ARHGEF33: variants seen among roughly 807,000 people sequenced by gnomAD.
ARHGEF33 encodes DH and coiled-coil domain-containing protein ENSP00000381780.
Under a neutral mutation model 101.9 loss-of-function variants are expected in ARHGEF33, and 72 were observed. The ratio of observed to expected loss-of-function variants is 0.71; its 90% CI spans 0.58 to 0.86. ARHGEF33 has a LOEUF of 0.86. Among genes scored for constraint, ARHGEF33 ranks in the 40% least tolerant of loss-of-function variants. ARHGEF33 has a pLI of 0.00. For synonymous variants in ARHGEF33, 499 were observed against 442.5 expected (o/e 1.13, Z -1.60); for missense variants, 1,169 against 1,111.3 (o/e 1.05, Z -0.74).
intron 17 of ARHGEF33, among the ~76,000 whole-genome samples, chr2:38,972,123 C>G (rs1242632651): frequency 6.6e-6 from 1 of 152,150 alleles, no homozygotes; most frequent in Non-Finnish European, 1.5e-5. Context: ...AATTCAAATC[C>G]TGCCCCTGAC....
chr2:38,937,363 A>C lies in ARHGEF33; in HGVS notation c.594A>C (p.Glu198Asp), dbSNP rs1340209887. Residue 198 changes from glutamate to aspartate, a missense_variant, in exon 9 of 18, where the codon GAA (glutamate) becomes GAC (aspartate). Coordinates refer to ENST00000409978, the MANE Select transcript of ARHGEF33 (RefSeq NM_001145451.5). ...PGVNPTTPEAEENLKSCLSAD... is the reference protein window; with the variant it reads ...PGVNPTTPEADENLKSCLSAD... The stretch of plus-strand genomic sequence containing the variant: ...TGAACCCAACAACTCCAGAAGCAGA[A>C]GAAAACCTCAAGTCTTGCCTCTCGG... 7.7e-7 allele frequency: 1 copy of C among 1,304,006 alleles called. No homozygotes were observed. The highest frequency in any genetic ancestry group is 1.0e-6 in the Non-Finnish European group (1 of 991,168). 80.8% of individuals were successfully genotyped at this position (1,304,006 alleles called of 1,614,324 possible).
intron 17 of ARHGEF33, chr2:38,972,961 C>T (rs944557058): frequency 2.0e-5 from 3 of 152,148 alleles, no homozygotes; most frequent in Admixed American, 2.0e-4. Flanking sequence ...GCCAAAGGGC[C>T]CCAGTCTAGC....
intron 7 of ARHGEF33, among the ~76,000 whole-genome samples, chr2:38,932,117 T>C (rs187783827): frequency 1.3e-4 from 20 of 152,342 alleles, no homozygotes; most frequent in African/African-American, 3.6e-4. Flanking sequence ...GCCTTTTTAA[T>C]ATTTTTTATT....
intron 12 of ARHGEF33, among the ~76,000 whole-genome samples, 161 bp downstream of exon 12, chr2:38,953,406 T>C (rs573136954): frequency 1.3e-5 from 2 of 152,236 alleles, no homozygotes; most frequent in Non-Finnish European, 2.9e-5. Flanking sequence ...AGGAACTCAC[T>C]TGAGGATCAG....
At chr2:38,924,801 C>T (rs1316043788) in intron 4 of ARHGEF33, among the ~76,000 whole-genome samples, 1 of 152,144 alleles carries the variant, frequency 6.6e-6, no homozygotes, top group East Asian at 1.9e-4. Context: ...GTAGCTTCCC[C>T]TTTGGGTCAT....
At position 38,928,928 on chromosome 2, in the gene ARHGEF33, C is replaced by G; in HGVS notation, c.97C>G (p.Leu33Val). 1 of 1,550,036 alleles carries G rather than the reference C, an allele frequency of 6.5e-7. No individual in the cohort carries two copies. Residue 33 changes from leucine (L) to valine (V), a missense_variant, in exon 5 of 18, where the codon CTC (leucine) becomes GTC (valine). Transcript: ENST00000409978. ...IYQLQALASE[L>V]KTGFTEAMQE... ...TTAGTTGCAGGCCCTAGCCTCCGAACTCAAAACTGGTTTCACAGAAGCAAT... is the reference window on the plus strand; with the variant it reads ...TTAGTTGCAGGCCCTAGCCTCCGAAGTCAAAACTGGTTTCACAGAAGCAAT...
intron 2 of ARHGEF33, among the ~76,000 whole-genome samples, chr2:38,900,992 A>G (rs1437609189): frequency 6.6e-6 from 1 of 152,098 alleles, no homozygotes; most frequent in East Asian, 1.9e-4. Flanking sequence ...TGAAAATCCC[A>G]CAAGAAAACC....
rs761556325 is a variant in ARHGEF33, at chr2:38,889,997, G to A, written c.-159+11G>A. 31 of 464,780 alleles carry A rather than the reference G, an allele frequency of 6.7e-5. No individual in the cohort carries two copies. The highest frequency in any genetic ancestry group is 4.7e-5 in the South Asian group (3 of 63,228). The allele number at this position is 464,780 out of a possible 1,614,324, so 28.8% of individuals were successfully genotyped here. On this transcript the variant is annotated intron_variant, in intron 1 of 17. Coordinates refer to ENST00000409978, the MANE Select transcript of ARHGEF33 (RefSeq NM_001145451.5). The stretch of plus-strand genomic sequence containing the variant: ...CGCAGGCAACATGGGGTAAGTATGC[G>A]CTTTTATATGCTTTAAGGGGCACTG...
intron 2 of ARHGEF33, among the ~76,000 whole-genome samples, chr2:38,917,008 C>T (rs1666648134): frequency 6.6e-6 from 1 of 151,786 alleles, no homozygotes; most frequent in South Asian, 2.1e-4. Context: ...CCATGTTGGC[C>T]AGGCTGGTCT....
At chr2:38,912,134 C>T (rs542756095) in intron 2 of ARHGEF33, among the ~76,000 whole-genome samples, 4 of 152,314 alleles carry the variant, frequency 2.6e-5, no homozygotes, top group Admixed American at 2.6e-4. Flanking sequence ...TCCCCAGTGT[C>T]CGCCAAGGCC....
intron 9 of ARHGEF33, among the ~76,000 whole-genome samples, chr2:38,937,861 G>T (rs938804693): frequency 1.1e-4 from 16 of 152,070 alleles, no homozygotes; most frequent in Admixed American, 9.2e-4. Flanking sequence ...CAGTGATGTG[G>T]TATCTTCTAG....
chr2:38,898,510 G>A (rs2124978343), intron 2 of ARHGEF33, among the ~76,000 whole-genome samples: 1 of 152,244 alleles, frequency 6.6e-6, no homozygotes, highest in South Asian at 2.1e-4. Context: ...ACAACTAGCA[G>A]GAAAGAGAAA....
rs1280112334 is a variant in ARHGEF33, at chr2:38,973,799, C to G, written c.2569C>G (p.Arg857Gly). Residue 857 changes from arginine to glycine, a missense_variant, in exon 18 of 18, where the codon CGA becomes GGA. Physicochemically the swap from Arg to Gly is moderately radical, Grantham distance 125. Transcript: ENST00000409978. Reference protein sequence around the residue: ...SPTKQDFFRNRLALANDLDQG... With the variant: ...SPTKQDFFRNGLALANDLDQG... Reference sequence around the variant, plus strand: ...CACCAAACAAGATTTCTTCAGAAACCGACTTGCTCTTGCAAATGACCTTGA... The same window carrying G: ...CACCAAACAAGATTTCTTCAGAAACGGACTTGCTCTTGCAAATGACCTTGA... The G allele has an allele frequency of 5.8e-6, 9 of 1,548,874 alleles. No individual in the cohort carries two copies. In the East Asian group the frequency reaches 7.3e-5, roughly 13 times the overall value.
chr2:38,940,249 C>G (rs1387574616), intron 9 of ARHGEF33, among the ~76,000 whole-genome samples: 3 of 152,028 alleles, frequency 2.0e-5, no homozygotes, highest in African/African-American at 7.3e-5. Context: ...ATAACAGAAA[C>G]TTTACTATTT....
At chr2:38,937,154 C>T (rs1369864747) in intron 8 of ARHGEF33, 181 bp from the exon 9 acceptor site, 2 of 535,836 alleles carry the variant, frequency 3.7e-6, no homozygotes, top group African/African-American at 3.8e-5. Context: ...GCCACCACGC[C>T]CAGCTAATTT....
At chr2:38,945,394 A>G (rs1667419283) in intron 10 of ARHGEF33, among the ~76,000 whole-genome samples, 2 of 152,224 alleles carry the variant, frequency 1.3e-5, no homozygotes, top group Admixed American at 6.5e-5. Context: ...TTACTACAAA[A>G]CAGAGGTAAA....
At chr2:38,896,146 G>A (rs1666118109) in intron 2 of ARHGEF33, among the ~76,000 whole-genome samples, 1 of 152,080 alleles carries the variant, frequency 6.6e-6, no homozygotes, top group East Asian at 1.9e-4. Context: ...TGTTCGTTTT[G>A]TTTTGTTTTG....
intron 2 of ARHGEF33, among the ~76,000 whole-genome samples, chr2:38,897,096 A>G (rs1263415212): frequency 6.6e-6 from 1 of 151,980 alleles, no homozygotes; most frequent in Non-Finnish European, 1.5e-5. Context: ...TTGTACTTTC[A>G]GTAGAGATGG....
At chr2:38,896,252 C>A (rs754968619) in intron 2 of ARHGEF33, among the ~76,000 whole-genome samples, 1 of 152,178 alleles carries the variant, frequency 6.6e-6, no homozygotes, top group Admixed American at 6.5e-5. Context: ...AATCCTCCTG[C>A]CTCAGCCTCC....
Sources: allele counts gnomAD v4.1 joint callset (sites outside exome capture counted in the v4.1 genomes callset), GRCh38; gene constraint gnomAD v4.1.1; transcripts MANE v1.5; gene names NCBI Gene and HGNC (gene_info 2026-07-23, HGNC 2026-07-21).